The following PCNX2 variants were observed in gnomAD, a reference collection of about 807,000 sequenced individuals.
The protein encoded by PCNX2 is pecanex 2.
A neutral mutation model predicts 223.8 loss-of-function variants in PCNX2; 168 were observed. That is an observed-to-expected ratio of 0.75 (90% CI 0.66 to 0.85). The LOEUF (loss-of-function observed/expected upper bound fraction) is 0.85, where lower values mean the gene tolerates loss of function less well. Ranked by LOEUF, PCNX2 falls within the 40% of genes least tolerant of loss-of-function variation. PCNX2 has a pLI of 0.00. For missense variants in PCNX2, 2,507 were observed against 2,675.5 expected, an observed-to-expected ratio of 0.94 and a Z score of 1.39; for synonymous variants, 1,006 against 1,052.6, an observed-to-expected ratio of 0.96 and a Z score of 0.86.
chr1:233,097,562 C>A (rs1674248908), intron 21 of PCNX2, among the ~76,000 whole-genome samples: 1 of 152,150 alleles, frequency 6.6e-6, no homozygotes, highest in African/African-American at 2.4e-5. Flanking sequence ...TTGTTTTAAT[C>A]CTGGAGTTGA....
chr1:233,121,842 G>C (rs557435716), intron 21 of PCNX2, among the ~76,000 whole-genome samples: 1 of 152,268 alleles, frequency 6.6e-6, no homozygotes, highest in South Asian at 2.1e-4. Flanking sequence ...CATATTTCTA[G>C]ATATGTGTAT....
Position 233,295,255 on chromosome 1 carries a change from A to C in PCNX2, c.153+71T>G. On this transcript the variant is annotated intron_variant, in intron 1 of 33. Coordinates refer to ENST00000258229, the MANE Select transcript of PCNX2 (RefSeq NM_014801.4). This position sits in a 1 kb window ranked among gnomAD's most constrained non-coding sequence, Gnocchi z 4.1. The stretch of plus-strand genomic sequence containing the variant: ...CCCGAAAGCCCGTGAGGCTGATGGC[A>C]CGTCTGTGGTTCCTTTCTCCTTCTT... 1 of 1,544,998 alleles carries C rather than the reference A, an allele frequency of 6.5e-7. No individual in the cohort carries two copies. Among genetic ancestry groups the C allele is most frequent in the Non-Finnish European group, 8.8e-7 (1 of 1,141,618 alleles).
At chr1:233,130,304 C>T (rs1223897477) in intron 21 of PCNX2, among the ~76,000 whole-genome samples, 1 of 152,096 alleles carries the variant, frequency 6.6e-6, no homozygotes, top group Non-Finnish European at 1.5e-5. Flanking sequence ...CTCCTACCCC[C>T]TCAACCCCCC....
chr1:233,161,454 C>T (rs1678476368), intron 17 of PCNX2, 91 bp from the exon 18 acceptor site: 2 of 1,091,330 alleles, frequency 1.8e-6, no homozygotes, highest in Admixed American at 4.0e-5. Context: ...GACATTGACC[C>T]AAGATAAACT....
At chr1:233,084,745 TA>T (rs1673519008) in intron 23 of PCNX2, among the ~76,000 whole-genome samples, 1 of 152,250 alleles carries the variant, frequency 6.6e-6, no homozygotes, top group South Asian at 2.1e-4. Flanking sequence ...TGACTGTTTA[TA>T]TACAAAGAGC....
intron 1 of PCNX2, among the ~76,000 whole-genome samples, chr1:233,268,493 G>A (rs77006267): frequency 0.099 from 15,085 of 152,110 alleles, 911 homozygotes; most frequent in South Asian, 0.19. Flanking sequence ...TTTATCACTC[G>A]GCTTTCACAA....
At chr1:233,042,236 CTT>C (rs1008244976) in intron 25 of PCNX2, among the ~76,000 whole-genome samples, 1 of 152,134 alleles carries the variant, frequency 6.6e-6, no homozygotes, top group African/African-American at 2.4e-5. Flanking sequence ...TATTTTCTCT[CTT>C]CTCTTCCACT....
At chr1:233,112,336 T>C (rs1009967798) in intron 21 of PCNX2, among the ~76,000 whole-genome samples, 3 of 152,182 alleles carry the variant, frequency 2.0e-5, no homozygotes, top group African/African-American at 4.8e-5. Context: ...CTTCACCAGA[T>C]TGAGTTCTCT....
chr1:233,317,189 G>A, the PCNX2 span, among the ~76,000 whole-genome samples: 2 of 152,172 alleles, frequency 1.3e-5, no homozygotes, highest in Admixed American at 6.6e-5. Flanking sequence ...TGAGGCAGGC[G>A]AATCAGCTGA....
At chr1:233,104,781 C>A (rs190380796) in intron 21 of PCNX2, among the ~76,000 whole-genome samples, 8 of 151,180 alleles carry the variant, frequency 5.3e-5, no homozygotes, top group Non-Finnish European at 8.9e-5. Flanking sequence ...GTAGTCTGAT[C>A]CATGCCAAAA....
At chr1:233,263,283 C>T (rs1165433559) in intron 1 of PCNX2, 120 bp from the exon 2 acceptor site, 10 of 879,120 alleles carry the variant, frequency 1.1e-5, no homozygotes, top group Admixed American at 3.3e-5. Context: ...TCAAATTAGA[C>T]TAATTTTTTA....
At chr1:233,164,073 G>A (rs1174098954) in intron 17 of PCNX2, among the ~76,000 whole-genome samples, 1 of 152,146 alleles carries the variant, frequency 6.6e-6, no homozygotes, top group African/African-American at 2.4e-5. Flanking sequence ...GAATGGCTGG[G>A]TTATGTAGTA....
At chr1:233,255,971 C>T (rs1183950862) in intron 5 of PCNX2, among the ~76,000 whole-genome samples, 2 of 152,058 alleles carry the variant, frequency 1.3e-5, no homozygotes, top group Non-Finnish European at 1.5e-5. Context: ...TGGCCTTCTA[C>T]GAGCTAAAAG....
At chr1:233,215,311 T>C (rs1389117270) in intron 12 of PCNX2, among the ~76,000 whole-genome samples, 1 of 152,244 alleles carries the variant, frequency 6.6e-6, no homozygotes, top group Non-Finnish European at 1.5e-5. Flanking sequence ...AAATGCCAAC[T>C]CAAATCAGAG....
At chr1:233,108,847 A>AG (rs1312625629) in intron 21 of PCNX2, among the ~76,000 whole-genome samples, 1 of 152,186 alleles carries the variant, frequency 6.6e-6, no homozygotes, top group Admixed American at 6.5e-5. Flanking sequence ...CCTGAGACCA[A>AG]GGGGTTTCAT....
At chr1:233,089,744 G>T in intron 23 of PCNX2, 1 of 443,408 alleles carries the variant, frequency 2.3e-6, no homozygotes, top group Non-Finnish European at 3.3e-6. Flanking sequence ...GCATATCAAA[G>T]GACATTAACA....
chr1:233,273,640 T>TC (rs1293517444), intron 1 of PCNX2, among the ~76,000 whole-genome samples: 2 of 151,918 alleles, frequency 1.3e-5, no homozygotes, highest in African/African-American at 4.8e-5. Context: ...ATTTTTTTTT[T>TC]TTTGATAGAA....
At chr1:233,289,116 T>A in intron 1 of PCNX2, 1 of 906,834 alleles carries the variant, frequency 1.1e-6, no homozygotes, top group South Asian at 1.3e-5. Context: ...TTGCTTATAT[T>A]TTGTACAGCT....
chr1:233,161,227 G>A, intron 18 of PCNX2, 44 bp downstream of exon 18: 1 of 1,534,072 alleles, frequency 6.5e-7, no homozygotes, highest in South Asian at 1.1e-5. Context: ...TGTTATTAAG[G>A]AGAATAAGGG....
Sources: gnomAD v4.1 joint callset for allele counts (sites outside exome capture counted in the v4.1 genomes callset) on GRCh38, gnomAD v4.1.1 for gene constraint, Gnocchi (gnomAD v3.1) non-coding constraint, MANE v1.5 for transcripts, NCBI Gene and HGNC (gene_info 2026-07-23, HGNC 2026-07-21) for gene names.